MATK: variants seen among roughly 807,000 people sequenced by gnomAD.
MATK encodes megakaryocyte-associated tyrosine kinase, also known as megakaryocyte-associated tyrosine-protein kinase.
MATK carries 41 observed loss-of-function variants against 59.8 expected under a neutral mutation model. The ratio of observed to expected loss-of-function variants is 0.69; its 90% CI spans 0.53 to 0.89. MATK has a LOEUF of 0.89. Ranked by LOEUF, MATK falls within the 40% of genes least tolerant of loss-of-function variation. The pLI, the probability that MATK is intolerant of heterozygous loss-of-function variation, is 0.00. For missense variants in MATK, 593 were observed against 719.6 expected (o/e 0.82, Z 2.01); for synonymous variants, 308 against 306.1 (o/e 1.01, Z -0.06).
chr19:3,778,154 T>G lies in MATK; in HGVS notation c.*29A>C. The G allele has an allele frequency of 6.5e-7, 1 of 1,534,538 alleles. No homozygotes were observed. Among genetic ancestry groups the G allele is most frequent in the Non-Finnish European group, 8.7e-7 (1 of 1,145,704 alleles). ...GCCGCACTCTCCACTCTCTCGGTCCTCTGGGGCCAAGGGCCCCACCGGGTG... is the reference window on the plus strand; with the variant it reads ...GCCGCACTCTCCACTCTCTCGGTCCGCTGGGGCCAAGGGCCCCACCGGGTG... On this transcript the variant is annotated 3_prime_UTR_variant, in exon 14 of 14. Coordinates refer to ENST00000310132, the MANE Select transcript of MATK (RefSeq NM_139355.3).
At chr19:3,790,987 C>T (rs2037535772), upstream of MATK, among the ~76,000 whole-genome samples, 1 of 152,120 alleles carries the variant, frequency 6.6e-6, no homozygotes, top group South Asian at 2.1e-4. Context: ...GACACTGAAT[C>T]CCAAGGGAAA....
intron 6 of MATK, among the ~76,000 whole-genome samples, chr19:3,783,505 G>GC (rs200705770): frequency 0.01 from 1,541 of 152,134 alleles, 26 homozygotes; most frequent in African/African-American, 0.035. Context: ...ATAGGGATCA[G>GC]CCCCCCTATT....
intron 1 of MATK, among the ~76,000 whole-genome samples, chr19:3,791,473 G>A (rs892624219): frequency 1.4e-4 from 21 of 151,760 alleles, no homozygotes; most frequent in Non-Finnish European, 7.4e-5. Flanking sequence ...CTCCCAAGTA[G>A]CTGGGATTAC....
At chr19:3,800,372 T>G (rs1296713962) in intron 1 of MATK, among the ~76,000 whole-genome samples, 1 of 152,128 alleles carries the variant, frequency 6.6e-6, no homozygotes, top group East Asian at 1.9e-4. Context: ...CTCAGCCCTG[T>G]AGTCCCAGCA....
chr19:3,788,090 A>AATAT, upstream of MATK, among the ~76,000 whole-genome samples: 1 of 137,350 alleles, frequency 7.3e-6, no homozygotes, highest in African/African-American at 2.7e-5. Flanking sequence ...ATATTATATT[A>AATAT]TTAATATTTA....
upstream of MATK, among the ~76,000 whole-genome samples, chr19:3,786,600 G>A (rs557431091): frequency 7.1e-6 from 1 of 141,324 alleles, no homozygotes; most frequent in Admixed American, 7.4e-5. This position sits in a 1 kb window ranked among gnomAD's most constrained non-coding sequence, Gnocchi z 4.1. Flanking sequence ...GGCGGGGACC[G>A]GGGGTGAGGG....
At chr19:3,781,698 G>A (rs2037404271) in intron 7 of MATK, 26 bp from the exon 8 acceptor site, 8 of 1,596,696 alleles carry the variant, frequency 5.0e-6, no homozygotes, top group Non-Finnish European at 6.9e-6. Flanking sequence ...CCAGTCAGAG[G>A]GGTAATGGGC....
chr19:3,796,863 T>A (rs2037599914), intron 1 of MATK, among the ~76,000 whole-genome samples: 1 of 152,214 alleles, frequency 6.6e-6, no homozygotes, highest in African/African-American at 2.4e-5. Context: ...GTGGATACTT[T>A]TCTTTTGCCC....
At chr19:3,784,535 G>C in intron 3 of MATK, 84 bp from the exon 4 acceptor site, 1 of 937,488 alleles carries the variant, frequency 1.1e-6, no homozygotes, top group Non-Finnish European at 1.6e-6. Context: ...AAGAGGACAG[G>C]AGGGAGAAAG....
upstream of MATK, chr19:3,789,210 A>C (rs566862019): frequency 9.5e-6 from 7 of 737,376 alleles, no homozygotes; most frequent in African/African-American, 6.9e-5. Flanking sequence ...CACTTGCCTG[A>C]ACTAGAAGTG....
upstream of MATK, among the ~76,000 whole-genome samples, chr19:3,788,846 C>A (rs1001167938): frequency 1.3e-5 from 2 of 151,924 alleles, no homozygotes; most frequent in African/African-American, 4.8e-5. Context: ...CACATGCCAC[C>A]ACACCCAGCT....
rs188979667 is a variant in MATK at position 3,783,160 on chromosome 19, G to A, written c.642C>T (p.His214=). ...CTKLVRPKRK[H]GTKSAEEELA... ...GCTCCTCCTCGGCCGACTTGGTCCC[G>A]TGTTTCCGCTTTGGTCTCACCAGCT... Residue 214 remains histidine (H), a synonymous_variant, in exon 7 of 14, where the codon CAC becomes CAT. Transcript: ENST00000310132. The A allele has an allele frequency of 5.5e-5, 89 of 1,613,978 alleles. No homozygotes were observed. The Admixed American group carries it at 8.7e-4, about 16-fold the overall frequency.
chr19:3,781,853 C>T (rs1373298738), intron 7 of MATK, among the ~76,000 whole-genome samples, 181 bp from the exon 8 acceptor site: 1 of 152,120 alleles, frequency 6.6e-6, no homozygotes. Flanking sequence ...ACTCCTGGTA[C>T]CAATTATTGT....
intron 11 of MATK, 77 bp downstream of exon 11, chr19:3,779,301 T>A: frequency 1.3e-6 from 2 of 1,580,458 alleles, no homozygotes; most frequent in Non-Finnish European, 1.7e-6. Context: ...GCCCCGTGCC[T>A]CAGTTTCCCC....
intron 1 of MATK, among the ~76,000 whole-genome samples, chr19:3,799,588 C>T (rs2037624944): frequency 6.6e-6 from 1 of 152,170 alleles, no homozygotes; most frequent in South Asian, 2.1e-4. Context: ...GCCTGTAATC[C>T]CAGCACTTTG....
chr19:3,791,252 A>AT (rs1367214222), upstream of MATK, among the ~76,000 whole-genome samples: 1 of 152,058 alleles, frequency 6.6e-6, no homozygotes, highest in Non-Finnish European at 1.5e-5. Context: ...CCGAGAGTCC[A>AT]TAAACCTGCC....
chr19:3,783,578 GGCCTGGGGGT>G (rs1010355685), intron 6 of MATK, among the ~76,000 whole-genome samples: 1 of 151,958 alleles, frequency 6.6e-6, no homozygotes, highest in Non-Finnish European at 1.5e-5. Context: ...ATGGGATGGG[GGCCTGGGGGT>G]GCCTGGGGGG....
chr19:3,799,366 T>G (rs1028545508), intron 1 of MATK, among the ~76,000 whole-genome samples: 1 of 152,160 alleles, frequency 6.6e-6, no homozygotes, highest in Non-Finnish European at 1.5e-5. Flanking sequence ...CCTCACTGCG[T>G]GAAGTGACGG....
intron 3 of MATK, 48 bp from the exon 4 acceptor site, chr19:3,784,499 G>T (rs1431217800): frequency 7.2e-7 from 1 of 1,384,714 alleles, no homozygotes; most frequent in East Asian, 2.4e-5. Flanking sequence ...TCACGGAGAT[G>T]TGGGGAGCAG....
Sources: allele counts gnomAD v4.1 joint callset (sites outside exome capture counted in the v4.1 genomes callset), GRCh38; gene constraint gnomAD v4.1.1; non-coding constraint Gnocchi (gnomAD v3.1); transcripts MANE v1.5; gene names NCBI Gene and HGNC (gene_info 2026-07-23, HGNC 2026-07-21).